PLXNA4: variants seen among roughly 807,000 people sequenced by gnomAD.
The protein encoded by PLXNA4 is plexin A4, also known as plexin-A4.
A neutral mutation model predicts 191.8 loss-of-function variants in PLXNA4; 44 were observed. The ratio of observed to expected loss-of-function variants is 0.23; its 90% CI spans 0.18 to 0.29. The LOEUF (loss-of-function observed/expected upper bound fraction) is 0.29, where lower values mean the gene tolerates loss of function less well. Ranked by LOEUF, PLXNA4 falls within the 10% of genes least tolerant of loss-of-function variation. The probability of loss-of-function intolerance (pLI) is 1.00; values close to 1 mark genes in which losing one functional copy is unlikely to be tolerated. For synonymous variants in PLXNA4, 1,082 were observed against 1,009.5 expected (o/e 1.07, Z -1.36); for missense variants, 1,800 against 2,488.8 (o/e 0.72, Z 5.89).
chr7:132,383,078 T>G (rs967420707), intron 3 of PLXNA4, among the ~76,000 whole-genome samples: 1 of 152,204 alleles, frequency 6.6e-6, no homozygotes, highest in Non-Finnish European at 1.5e-5. Flanking sequence ...TACATTCCTG[T>G]TGGCAGTCAG....
At chr7:132,467,469 T>C (rs1476679284) in intron 3 of PLXNA4, among the ~76,000 whole-genome samples, 3 of 152,132 alleles carry the variant, frequency 2.0e-5, no homozygotes, top group Non-Finnish European at 4.4e-5. Context: ...CATCCTAGGC[T>C]CTGAAAACTG....
Position 132,298,121 on chromosome 7 carries a change from G to A in PLXNA4, c.1473C>T (p.His491=), listed in dbSNP as rs200301458. The change falls in exon 4 of 32, where the codon CAC becomes CAT. Residue 491 remains histidine, a synonymous_variant. Transcript: ENST00000321063. ...VLRDMAFSKD[H]EQLYIMSERQ... The stretch of plus-strand genomic sequence containing the variant: ...TCTCTGACATGATGTAGAGTTGCTC[G>A]TGGTCCTTGGAGAAGGCCATATCCC... The A allele has an allele frequency of 4.8e-5, 78 of 1,614,172 alleles. No individual in the cohort carries two copies. The highest frequency in any genetic ancestry group is 3.6e-4 in the African/African-American group (27 of 75,060).
At chr7:132,357,311 C>A (rs1359049621) in intron 3 of PLXNA4, among the ~76,000 whole-genome samples, 1 of 152,188 alleles carries the variant, frequency 6.6e-6, no homozygotes, top group Admixed American at 6.5e-5. Flanking sequence ...CTGTGCCCTG[C>A]ATTTCACATG....
intron 31 of PLXNA4, among the ~76,000 whole-genome samples, chr7:132,132,342 T>C (rs943432252): frequency 3.3e-5 from 5 of 150,930 alleles, no homozygotes; most frequent in Non-Finnish European, 7.4e-5. Context: ...CCAGGTGGGA[T>C]TTTCCAGTGA....
chr7:132,503,418 G>A (rs1798334212), intron 2 of PLXNA4, among the ~76,000 whole-genome samples: 1 of 152,216 alleles, frequency 6.6e-6, no homozygotes. Context: ...ATAACCCTAT[G>A]CCTGGGGAAT....
At position 132,130,230 on chromosome 7, in the gene PLXNA4, T is replaced by C. The variant is rs556825140; in HGVS notation, c.*249A>G. ...CATCTTCTGGTCAGCTCCCTTGCCATGGGCCTGGCCATTCTTGGACTAACT... is the reference window on the plus strand; with the variant it reads ...CATCTTCTGGTCAGCTCCCTTGCCACGGGCCTGGCCATTCTTGGACTAACT... On this transcript the variant is annotated 3_prime_UTR_variant, in exon 32 of 32. Transcript: ENST00000321063. 8.7e-5 allele frequency: 42 copies of C among 483,532 alleles called. No individual in the cohort carries two copies. In the South Asian group the frequency reaches 9.8e-4, roughly 11 times the overall value. The allele number at this position is 483,532 out of a possible 1,614,324, so 30.0% of individuals were successfully genotyped here.
intron 1 of PLXNA4, among the ~76,000 whole-genome samples, chr7:132,564,467 C>A (rs1442229236): frequency 6.6e-6 from 1 of 151,904 alleles, no homozygotes; most frequent in Admixed American, 6.6e-5. Flanking sequence ...GGATGGGTGC[C>A]CGTCTTCCTA....
chr7:132,210,613 G>C (rs951949765), intron 10 of PLXNA4, among the ~76,000 whole-genome samples: 3 of 152,156 alleles, frequency 2.0e-5, no homozygotes, highest in Non-Finnish European at 4.4e-5. Context: ...GGACATGAAG[G>C]TACCTGGAGC....
At chr7:132,286,199 C>G (rs924533658) in intron 4 of PLXNA4, among the ~76,000 whole-genome samples, 1 of 152,190 alleles carries the variant, frequency 6.6e-6, no homozygotes, top group African/African-American at 2.4e-5. Context: ...ACAAGGCCTT[C>G]CCTCGGCCCT....
chr7:132,561,605 C>T (rs1334894513), intron 1 of PLXNA4, among the ~76,000 whole-genome samples: 1 of 121,794 alleles, frequency 8.2e-6, no homozygotes, highest in East Asian at 2.8e-4. Context: ...CTTCCTCCTC[C>T]TTCTCTTCCT....
In PLXNA4 at chr7:132,323,863, C is replaced by T. The variant is rs374287202; in HGVS notation, c.1372-25641G>A. ...ACCACCCTCTGTGCCTCAGCTTCCT[C>T]GTCTGGAAGTGAGGGCCTCATATCT... On this transcript the variant is annotated intron_variant, in intron 3 of 31. Coordinates refer to ENST00000321063, the MANE Select transcript of PLXNA4 (RefSeq NM_020911.2). 7.9e-5 allele frequency among the ~76,000 whole-genome samples: 12 copies of T among 152,102 alleles called. No homozygotes were observed. In the East Asian group the frequency reaches 9.6e-4, roughly 12 times the overall value.
chr7:132,585,824 C>T (rs1189740684), intron 2 of PLXNA4, among the ~76,000 whole-genome samples: 4 of 152,166 alleles, frequency 2.6e-5, no homozygotes, highest in Admixed American at 1.3e-4. Context: ...GGTGGGGGCT[C>T]TACCCTCATG....
chr7:132,223,194 G>A (rs141372883), intron 9 of PLXNA4, among the ~76,000 whole-genome samples: 119 of 152,302 alleles, frequency 7.8e-4, no homozygotes, highest in African/African-American at 2.7e-3. Flanking sequence ...CAGTCCTGCT[G>A]TGTACTTACA....
Position 132,211,102 on chromosome 7 carries a change from G to A in PLXNA4, c.2139C>T (p.Pro713=), listed in dbSNP as rs369845177. 57 of 1,580,242 alleles carry A rather than the reference G, an allele frequency of 3.6e-5. No homozygotes were observed. Among genetic ancestry groups the A allele is most frequent in the Admixed American group, 5.5e-5 (3 of 54,506 alleles). ...QLLRVDKILV[P]VEVIKPITLK... is the part of the protein sequence containing the mutation. ...GCGTGATAGGCTTGATCACCTCCAC[G>A]GGCACCAGGATCTTGTCCACTCGCA... Residue 713 remains proline (P), a synonymous_variant, in exon 10 of 32, where the codon CCC becomes CCT. Transcript: ENST00000321063.
intron 3 of PLXNA4, among the ~76,000 whole-genome samples, chr7:132,452,740 G>A (rs570646721): frequency 6.6e-6 from 1 of 152,194 alleles, no homozygotes; most frequent in Non-Finnish European, 1.5e-5. Context: ...AGATGGGGTT[G>A]GACATGAGCA....
At chr7:132,584,462 G>A (rs1306580163) in intron 2 of PLXNA4, among the ~76,000 whole-genome samples, 1 of 152,114 alleles carries the variant, frequency 6.6e-6, no homozygotes, top group East Asian at 1.9e-4. Context: ...AGTGCACTGG[G>A]TTTGGCAGAA....
chr7:132,581,149 T>C (rs1180143727), upstream of PLXNA4, among the ~76,000 whole-genome samples: 1 of 152,166 alleles, frequency 6.6e-6, no homozygotes. Flanking sequence ...CTTCCATCTG[T>C]CTCCTAAGGG....
chr7:132,239,981 C>T lies in PLXNA4; in HGVS notation c.1604+1085G>A, dbSNP rs189136698. ...TGAGACTGCCACCCAGAGATGTATT[C>T]GAGTTTAAGAGGGTGTTTCCGAATT... On this transcript the variant is annotated intron_variant, in intron 5 of 31. Transcript: ENST00000321063. Among the ~76,000 whole-genome samples the T allele has an allele frequency of 2.5e-3, 382 of 152,232 alleles. 1 individual carries two copies. The highest frequency in any genetic ancestry group is 4.1e-3 in the Admixed American group (63 of 15,306).
At chr7:132,507,134 A>G (rs1330076317) in intron 2 of PLXNA4, among the ~76,000 whole-genome samples, 1 of 152,166 alleles carries the variant, frequency 6.6e-6, no homozygotes, top group Non-Finnish European at 1.5e-5. Context: ...TACAAAGGGC[A>G]TGTACGTGTC....
Sources: gnomAD v4.1 joint callset for allele counts (sites outside exome capture counted in the v4.1 genomes callset) on GRCh38, gnomAD v4.1.1 for gene constraint, MANE v1.5 for transcripts, NCBI Gene and HGNC (gene_info 2026-07-23, HGNC 2026-07-21) for gene names.